Variants in RAVER2 observed in about 807,000 individuals in gnomAD.
RAVER2 encodes the protein ribonucleoprotein, PTB binding 2.
A neutral mutation model predicts 78.1 loss-of-function variants in RAVER2; 46 were observed. The observed-to-expected ratio is 0.59, with a 90% CI of 0.46 to 0.75. RAVER2 has a LOEUF of 0.75. Ranked by LOEUF, RAVER2 falls within the 30% of genes least tolerant of loss-of-function variation. The pLI is 0.00. For missense variants in RAVER2, 793 were observed against 837.5 expected (o/e 0.95, Z 0.66); for synonymous variants, 311 against 313.3 (o/e 0.99, Z 0.08).
intron 11 of RAVER2, among the ~76,000 whole-genome samples, chr1:64,816,813 C>T (rs34850510): frequency 1.3e-5 from 2 of 152,168 alleles, no homozygotes; most frequent in East Asian, 3.8e-4. Flanking sequence ...AGAAGAAAAC[C>T]TAGGCAATAC....
chr1:64,817,695 T>C lies in RAVER2; in HGVS notation c.1929+2855T>C, dbSNP rs1449347020. 5.6e-5 allele frequency among the ~76,000 whole-genome samples: 8 copies of C among 142,672 alleles called. No individual in the cohort carries two copies. The South Asian group carries it at 1.3e-3, about 24-fold the overall frequency. 93.6% of individuals were successfully genotyped at this position (142,672 alleles called of 152,430 possible). ...ACATGTTCTGACTCAGAGGTGAGAA[T>C]TGAACAATGAGAACACTTGGAAACA... On this transcript the variant is annotated intron_variant, in intron 11 of 11. Coordinates refer to ENST00000294428, the Ensembl canonical transcript of RAVER2.
intron 5 of RAVER2, among the ~76,000 whole-genome samples, chr1:64,799,006 A>G (rs997283764): frequency 1.3e-5 from 2 of 152,196 alleles, no homozygotes; most frequent in South Asian, 2.1e-4. Flanking sequence ...GTCACCCTAC[A>G]GTACTATAGA....
At chr1:64,756,987 CA>C (rs929871414) in intron 1 of RAVER2, among the ~76,000 whole-genome samples, 18 of 152,340 alleles carry the variant, frequency 1.2e-4, no homozygotes, top group African/African-American at 4.3e-4. Flanking sequence ...ATGACATTAA[CA>C]TGACTTACCA....
chr1:64,777,794 G>T (rs199595651), exon 3 of RAVER2: 8 of 1,613,900 alleles, frequency 5.0e-6, no homozygotes, highest in African/African-American at 4.0e-5. Flanking sequence ...GAACTTGTTC[G>T]TGCTTATGGA....
exon 3 of RAVER2, chr1:64,777,857 G>T (rs1652512307): frequency 2.5e-6 from 4 of 1,614,060 alleles, no homozygotes; most frequent in Non-Finnish European, 3.4e-6. Flanking sequence ...CATTCCAAAG[G>T]CTATGGATTT....
Position 64,745,449 on chromosome 1 carries a change from G to T in RAVER2, c.249+28G>T. Reference sequence around the variant, plus strand: ...ACTGGGACGGTGATAGGGGCGACGCGTCCCGAGGGGCGGCGGGGCGGCGCT... The same window carrying T: ...ACTGGGACGGTGATAGGGGCGACGCTTCCCGAGGGGCGGCGGGGCGGCGCT... On this transcript the variant is annotated intron_variant, in intron 1 of 11. Transcript: ENST00000294428. This position sits in a 1 kb window ranked among gnomAD's most constrained non-coding sequence, Gnocchi z 4.3. 1.3e-6 allele frequency: 2 copies of T among 1,505,908 alleles called. No individual in the cohort carries two copies. The highest frequency in any genetic ancestry group is 1.2e-5 in the South Asian group (1 of 83,206). 93.3% of individuals were successfully genotyped at this position (1,505,908 alleles called of 1,614,324 possible).
At chr1:64,829,127 G>T (rs1180456609) in intron 11 of RAVER2, among the ~76,000 whole-genome samples, 2 of 152,208 alleles carry the variant, frequency 1.3e-5, no homozygotes, top group Non-Finnish European at 2.9e-5. Flanking sequence ...TTGAATAAAA[G>T]AATGTAATAA....
chr1:64,758,850 A>G (rs1651928624), intron 1 of RAVER2, among the ~76,000 whole-genome samples: 1 of 152,186 alleles, frequency 6.6e-6, no homozygotes, highest in Admixed American at 6.5e-5. Flanking sequence ...GTTGCACAAT[A>G]ATAGATAACT....
At chr1:64,805,216 T>A (rs1557601251) in intron 8 of RAVER2, 111 bp downstream of exon 8, 2 of 992,082 alleles carry the variant, frequency 2.0e-6, no homozygotes, top group Non-Finnish European at 3.0e-6. Context: ...TGAGTTTTAT[T>A]TAGTCATTTA....
chr1:64,749,572 C>T (rs924185005), intron 1 of RAVER2, among the ~76,000 whole-genome samples: 1 of 152,122 alleles, frequency 6.6e-6, no homozygotes, highest in African/African-American at 2.4e-5. Flanking sequence ...GTACCTCATG[C>T]CACTGTGAAT....
chr1:64,755,443 A>G (rs1651825332), intron 1 of RAVER2, among the ~76,000 whole-genome samples: 1 of 152,202 alleles, frequency 6.6e-6, no homozygotes, highest in Admixed American at 6.5e-5. Context: ...TGCCAAAAAT[A>G]GCATTAGATT....
intron 8 of RAVER2, 36 bp from the exon 9 acceptor site, chr1:64,807,170 T>G: frequency 6.3e-7 from 1 of 1,581,104 alleles, no homozygotes; most frequent in Non-Finnish European, 8.6e-7. Context: ...AAATATTTTC[T>G]AACTAAAAGC....
chr1:64,829,485 G>C (rs902568930), intron 11 of RAVER2, among the ~76,000 whole-genome samples: 1 of 152,240 alleles, frequency 6.6e-6, no homozygotes, highest in Non-Finnish European at 1.5e-5. Flanking sequence ...GAAGAAGGCA[G>C]CTGGAGAGAA....
In RAVER2 at chr1:64,745,172, G is replaced by A; in HGVS notation, c.-1G>A. On this transcript the variant is annotated 5_prime_UTR_variant, in exon 1 of 12. Coordinates refer to ENST00000294428, the Ensembl canonical transcript of RAVER2. This position sits in a 1 kb window ranked among gnomAD's most constrained non-coding sequence, Gnocchi z 4.3. ...TCCGCAGCCGCTGGGCGCCCGGGAA[G>A]ATGGCGGCGGCGGCGGGAGACGGCG... 9.8e-7 allele frequency: 1 copy of A among 1,018,406 alleles called. No individual in the cohort carries two copies. Among genetic ancestry groups the A allele is most frequent in the Non-Finnish European group, 1.2e-6 (1 of 853,308 alleles). 63.1% of individuals were successfully genotyped at this position (1,018,406 alleles called of 1,614,324 possible). A position where few individuals can be genotyped will look rare whatever the true frequency, so the allele number is the denominator to read the frequency against.
chr1:64,798,537 C>T (rs539078481), intron 5 of RAVER2, among the ~76,000 whole-genome samples: 1 of 152,134 alleles, frequency 6.6e-6, no homozygotes, highest in South Asian at 2.1e-4. Flanking sequence ...TACAGTCCCA[C>T]CAACAATGTA....
At chr1:64,759,126 A>G (rs1052992142) in intron 1 of RAVER2, among the ~76,000 whole-genome samples, 1 of 151,806 alleles carries the variant, frequency 6.6e-6, no homozygotes, top group African/African-American at 2.4e-5. Context: ...TGAAGAAGTG[A>G]GTTACAAATT....
chr1:64,771,302 A>T (rs796299000), intron 2 of RAVER2, among the ~76,000 whole-genome samples: 17 of 152,164 alleles, frequency 1.1e-4, no homozygotes, highest in African/African-American at 3.9e-4. Context: ...ACAGGTCCAC[A>T]TAGAATTCTT....
intron 1 of RAVER2, among the ~76,000 whole-genome samples, chr1:64,761,245 T>A (rs1652010989): frequency 1.3e-5 from 2 of 152,206 alleles, no homozygotes; most frequent in Admixed American, 1.3e-4. Context: ...AACCCTGCAT[T>A]GAAAGCAGTT....
chr1:64,830,543 G>C (rs1654102242), intron 11 of RAVER2, among the ~76,000 whole-genome samples: 1 of 152,156 alleles, frequency 6.6e-6, no homozygotes, highest in South Asian at 2.1e-4. Flanking sequence ...AACTAGCTGT[G>C]ATCAGCAGAA....
Sources: gnomAD v4.1 joint callset for allele counts (sites outside exome capture counted in the v4.1 genomes callset) on GRCh38, gnomAD v4.1.1 for gene constraint, Gnocchi (gnomAD v3.1) non-coding constraint, MANE v1.5 for transcripts, NCBI Gene and HGNC (gene_info 2026-07-23, HGNC 2026-07-21) for gene names.